Variants in CHRNA10 observed in about 807,000 individuals in gnomAD.
The protein encoded by CHRNA10 is cholinergic receptor nicotinic alpha 10 subunit.
In CHRNA10, 31 loss-of-function variants were observed where a neutral mutation model predicts 36.0. That is an observed-to-expected ratio of 0.86 (90% CI 0.65 to 1.16). The LOEUF (loss-of-function observed/expected upper bound fraction) is 1.16. CHRNA10 is among the 50% of genes most tolerant of loss of function. CHRNA10 has a pLI of 0.00. For synonymous variants in CHRNA10, 302 were observed against 287.0 expected, an observed-to-expected ratio of 1.05 and a Z score of -0.53; for missense variants, 648 against 640.9, an observed-to-expected ratio of 1.01 and a Z score of -0.12.
Position 3,669,928 on chromosome 11 carries a change from A to C in CHRNA10, c.75T>G (p.Ala25=). 6.2e-7 allele frequency: 1 copy of C among 1,614,164 alleles called. No homozygotes were observed. Among genetic ancestry groups the C allele is most frequent in the South Asian group, 1.1e-5 (1 of 91,086 alleles). Residue 25 remains alanine, a synonymous_variant, in exon 2 of 5, where the codon GCT becomes GCG. Transcript: ENST00000250699. ...ACAGCTTGAGAGCCAGCCGGCCCTC[A>C]GCTCCCAGGCACTCTGGAGGGTCAG... ...LFLLPAECLG[A]EGRLALKLFR... is the part of the protein sequence containing the mutation.
chr11:3,669,639 C>A, intron 2 of CHRNA10, 157 bp downstream of exon 2: 1 of 1,018,090 alleles, frequency 9.8e-7, no homozygotes, highest in Non-Finnish European at 1.5e-6. Flanking sequence ...ACTCAGTACC[C>A]AACAGTCAGT....
chr11:3,670,846 C>T (rs1373753423), intron 1 of CHRNA10, among the ~76,000 whole-genome samples: 2 of 152,210 alleles, frequency 1.3e-5, no homozygotes, highest in Non-Finnish European at 2.9e-5. Context: ...TTCACTGTCT[C>T]CCTTTCCCCA....
chr11:3,667,822 A>T (rs1459571420), intron 3 of CHRNA10, 58 bp from the exon 4 acceptor site: 1 of 1,391,960 alleles, frequency 7.2e-7, no homozygotes, highest in East Asian at 2.8e-5. Context: ...GCAGCCCCGG[A>T]GGCCGGGAGC....
rs367911322 is a variant in CHRNA10, at chr11:3,669,751, C to G, written c.207+45G>C. On this transcript the variant is annotated intron_variant, in intron 2 of 4. Transcript: ENST00000250699. ...TCTCTCACCCCTTCATTTCTTGACACTGTGACAGGTAAGACTCCACAGCTG... is the reference window on the plus strand; with the variant it reads ...TCTCTCACCCCTTCATTTCTTGACAGTGTGACAGGTAAGACTCCACAGCTG... 1.9e-3 allele frequency: 3,061 copies of G among 1,610,650 alleles called. 5 individuals are homozygous for G. Among genetic ancestry groups the G allele is most frequent in the Non-Finnish European group, 2.4e-3 (2,773 of 1,177,078 alleles).
Position 3,667,239 on chromosome 11 carries a change from C to T in CHRNA10, c.888G>A (p.Pro296=), listed in dbSNP as rs1203665109. The change falls in exon 4 of 5, where the codon CCG becomes CCA. Residue 296 remains proline, a synonymous_variant. Transcript: ENST00000250699. The part of the protein sequence containing the change: ...AESMPPAESV[P]LIGKYYMATM... ...CGCGCCCCCGCTGCTCACCGATGAG[C>T]GGCACGCTCTCGGCCGGTGGCATGC... 1.9e-6 allele frequency: 3 copies of T among 1,582,226 alleles called. No homozygotes were observed. Among genetic ancestry groups the T allele is most frequent in the Non-Finnish European group, 2.6e-6 (3 of 1,172,300 alleles).
Position 3,667,709 on chromosome 11 carries a change from CA to C in CHRNA10, c.417del (p.Asp139GlufsTer20). The C allele has an allele frequency of 1.9e-6, 3 of 1,574,242 alleles. No individual in the cohort carries two copies. The highest frequency in any genetic ancestry group is 2.6e-6 in the Non-Finnish European group (3 of 1,167,456). On this transcript the variant is annotated frameshift_variant, in exon 4 of 5. Transcript: ENST00000250699. LOFTEE classifies it high-confidence loss of function. The stretch of plus-strand genomic sequence containing the variant: ...GCCGGCGCGTCCCAGCGCACGGCGC[CA>C]TCGTGGCGCAGGACCACGTTGGTGC... ...SASTNVVLRHDGAVRWDAPAI... is the reference protein window; with the variant it reads ...SASTNVVLRHXGAVRWDAPAI...
At position 3,667,561 on chromosome 11, in the gene CHRNA10, G is replaced by T; in HGVS notation, c.566C>A (p.Ala189Asp). ...GHQLDVRPRG[A>D]AASLADFVEN... Reference sequence around the variant, plus strand: ...CACGAAGTCCGCCAGGCTGGCTGCAGCGCCGCGCGGCCGCACATCCAGTTG... The same window carrying T: ...CACGAAGTCCGCCAGGCTGGCTGCATCGCCGCGCGGCCGCACATCCAGTTG... The change falls in exon 4 of 5, where the codon GCT (alanine) becomes GAT (aspartate). Residue 189 changes from alanine to aspartate, a missense_variant. Ala to Asp is a moderately radical substitution (Grantham distance 126). Coordinates refer to ENST00000250699, the MANE Select transcript of CHRNA10 (RefSeq NM_020402.4). The T allele has an allele frequency of 6.4e-7, 1 of 1,564,288 alleles. No individual in the cohort carries two copies.
intron 4 of CHRNA10, 64 bp from the exon 5 acceptor site, chr11:3,666,628 C>T (rs1056367180): frequency 4.8e-6 from 6 of 1,261,426 alleles, no homozygotes; most frequent in Admixed American, 2.7e-5. Context: ...AGCTTCCCAG[C>T]CACCTCTGCA....
intron 4 of CHRNA10, 49 bp downstream of exon 4, chr11:3,667,183 G>C (rs1402604309): frequency 1.3e-6 from 2 of 1,497,788 alleles, no homozygotes; most frequent in Non-Finnish European, 1.8e-6. Context: ...GCCCCGCCCT[G>C]GGGGGACCCC....
rs1169333179 is a variant in CHRNA10, at chr11:3,671,259, G to T, written c.54C>A (p.Leu18=). 2 of 1,613,992 alleles carry T rather than the reference G, an allele frequency of 1.2e-6. No homozygotes were observed. The highest frequency in any genetic ancestry group is 1.7e-6 in the Non-Finnish European group (2 of 1,179,972). The stretch of plus-strand genomic sequence containing the variant: ...GTGTACTGAGCTTCATACCTGCAGG[G>T]AGTAGAAACAGAAGCAGAAGGCCCA... ...LSLGLLLLFL[L]PAECLGAEGR... Residue 18 remains leucine, a synonymous_variant, in exon 1 of 5, where the codon CTC becomes CTA. Coordinates refer to ENST00000250699, the MANE Select transcript of CHRNA10 (RefSeq NM_020402.4).
Position 3,667,691 on chromosome 11 carries a change from C to A in CHRNA10, c.436G>T (p.Ala146Ser). ...CACGAGCTGCGCGTGATGGCCGGCG[C>A]GTCCCAGCGCACGGCGCCATCGTGG... ...LRHDGAVRWD[A>S]PAITRSSCRV... Residue 146 changes from alanine to serine, a missense_variant, in exon 4 of 5, where the codon GCG becomes TCG. Ala to Ser is a moderately conservative substitution (Grantham distance 99, BLOSUM62 1). Coordinates refer to ENST00000250699, the MANE Select transcript of CHRNA10 (RefSeq NM_020402.4). 6.4e-7 allele frequency: 1 copy of A among 1,571,562 alleles called. No homozygotes were observed.
At position 3,669,906 on chromosome 11, in the gene CHRNA10, G is replaced by A; in HGVS notation, c.97C>T (p.Leu33=). The change falls in exon 2 of 5, where the codon CTG becomes TTG. Residue 33 remains leucine (L), a synonymous_variant. Transcript: ENST00000250699. ...TAGTTGGCAAAGAGGTCACGGAACAGCTTGAGAGCCAGCCGGCCCTCAGCT... is the reference window on the plus strand; with the variant it reads ...TAGTTGGCAAAGAGGTCACGGAACAACTTGAGAGCCAGCCGGCCCTCAGCT... The part of the protein sequence containing the change: ...LGAEGRLALK[L]FRDLFANYTS... 1 of 1,614,218 alleles carries A rather than the reference G, an allele frequency of 6.2e-7. No individual in the cohort carries two copies. Among genetic ancestry groups the A allele is most frequent in the East Asian group, 2.2e-5 (1 of 44,888 alleles).
chr11:3,666,604 G>A, intron 4 of CHRNA10, 40 bp from the exon 5 acceptor site: 1 of 1,466,734 alleles, frequency 6.8e-7, no homozygotes, highest in Non-Finnish European at 9.2e-7. Context: ...CAAAACAAAA[G>A]CCTGTGGTTC....
Position 3,667,756 on chromosome 11 carries a change from G to C in CHRNA10, c.371C>G (p.Ala124Gly), listed in dbSNP as rs771933661. ...PDIVLYNKAD[A>G]QPPGSASTNV... is the part of the protein sequence containing the mutation. ...GGTGCTGGCGGAACCTGGAGGCTGC[G>C]CGTCGGCTCTGGGGGCAGGCGGGGC... The change falls in exon 4 of 5, where the codon GCG becomes GGG. Residue 124 changes from alanine to glycine, a missense_variant. Ala to Gly is a moderately conservative substitution (Grantham distance 60, BLOSUM62 0). Coordinates refer to ENST00000250699, the MANE Select transcript of CHRNA10 (RefSeq NM_020402.4). The C allele has an allele frequency of 6.5e-7, 1 of 1,537,024 alleles. No homozygotes were observed. Among genetic ancestry groups the C allele is most frequent in the African/African-American group, 1.4e-5 (1 of 71,228 alleles).
Position 3,665,727 on chromosome 11 carries a change from G to A in CHRNA10, c.*380C>T, listed in dbSNP as rs76587710. 1,170 of 168,230 alleles carry A rather than the reference G, an allele frequency of 7.0e-3. 19 individuals are homozygous for A. Among genetic ancestry groups the A allele is most frequent in the African/African-American group, 0.025 (1,050 of 42,204 alleles). The allele number at this position is 168,230 out of a possible 1,614,324, so 10.4% of individuals were successfully genotyped here. On this transcript the variant is annotated 3_prime_UTR_variant, in exon 5 of 5. Coordinates refer to ENST00000250699, the MANE Select transcript of CHRNA10 (RefSeq NM_020402.4). ...AGGGAAAGGTAACAGCCAAAGCCCTGCAAAGCAGCCACCTAGGAAGGAAGA... is the reference window on the plus strand; with the variant it reads ...AGGGAAAGGTAACAGCCAAAGCCCTACAAAGCAGCCACCTAGGAAGGAAGA...
Position 3,666,320 on chromosome 11 carries a change from CGCTGGGGGGCCAGCCCCT to C in CHRNA10, c.1122_1139del (p.Ala376_Gly381del). 1 of 1,613,278 alleles carries C rather than the reference CGCTGGGGGGCCAGCCCCT, an allele frequency of 6.2e-7. No homozygotes were observed. Among genetic ancestry groups the C allele is most frequent in the Non-Finnish European group, 8.5e-7 (1 of 1,179,764 alleles). Reference sequence around the variant, plus strand: ...GACATCGTGGCTCGTGGCAAGGGCCCGCTGGGGGGCCAGCCCCTCCTTCAGGCGACTGGGGGCTAGGAG... The same window carrying C: ...GACATCGTGGCTCGTGGCAAGGGCCCCCTTCAGGCGACTGGGGGCTAGGAG... On this transcript the variant is annotated inframe_deletion, in exon 5 of 5. Transcript: ENST00000250699.
rs570205837 is a variant in CHRNA10, at chr11:3,666,783, T to C, written c.896-219A>G. Among the ~76,000 whole-genome samples, 6 of 152,256 alleles carry C rather than the reference T, an allele frequency of 3.9e-5. No homozygotes were observed. In the East Asian group the frequency reaches 1.2e-3, roughly 29 times the overall value. On this transcript the variant is annotated intron_variant, in intron 4 of 4. Transcript: ENST00000250699. ...AGCTACTGCTCTCTAATTGCTCCCG[T>C]CACTGCTGGAGGCTGCACTCATACA...
chr11:3,667,169 C>A, intron 4 of CHRNA10, 63 bp downstream of exon 4: 1 of 1,466,834 alleles, frequency 6.8e-7, no homozygotes, highest in East Asian at 2.5e-5. Flanking sequence ...CAGGCCCTGT[C>A]GCGGCCCCGC....
At chr11:3,668,857 T>G in intron 3 of CHRNA10, 1 of 209,494 alleles carries the variant, frequency 4.8e-6, no homozygotes, top group Non-Finnish European at 9.5e-6. Context: ...GAGGGCTATG[T>G]CCTGGAGGAA....
Sources: gnomAD v4.1 joint callset for allele counts (sites outside exome capture counted in the v4.1 genomes callset) on GRCh38, gnomAD v4.1.1 for gene constraint, MANE v1.5 for transcripts, NCBI Gene and HGNC (gene_info 2026-07-23, HGNC 2026-07-21) for gene names.